Variants in C11orf24 observed in about 807,000 individuals in gnomAD.
C11orf24 encodes the protein chromosome 11 open reading frame 24.
Under a neutral mutation model 7.3 loss-of-function variants are expected in C11orf24, and 5 were observed. The ratio of observed to expected loss-of-function variants is 0.69; its 90% CI spans 0.36 to 1.45. The LOEUF (loss-of-function observed/expected upper bound fraction) is 1.45, where lower values mean the gene tolerates loss of function less well. C11orf24 is among the 40% of genes most tolerant of loss of function. The pLI is 0.03. For synonymous variants in C11orf24, 233 were observed against 235.7 expected (o/e 0.99, Z 0.11); for missense variants, 566 against 590.5 (o/e 0.96, Z 0.43).
intron 1 of C11orf24, among the ~76,000 whole-genome samples, chr11:68,270,586 T>TA (rs10631184): frequency 0.39 from 55,825 of 142,782 alleles, 10,877 homozygotes; most frequent in Non-Finnish European, 0.44. Context: ...CCCCATCTCT[T>TA]AAAAAAAAAA....
rs746818661 is a variant in C11orf24 at position 68,262,624 on chromosome 11, G to A, written c.371C>T (p.Ser124Phe). 6.2e-7 allele frequency: 1 copy of A among 1,612,762 alleles called. No individual in the cohort carries two copies. Among genetic ancestry groups the A allele is most frequent in the East Asian group, 2.2e-5 (1 of 44,874 alleles). Residue 124 changes from serine (S) to phenylalanine (F), a missense_variant, in exon 4 of 4, where the codon TCC becomes TTC. Transcript: ENST00000304271. ...AGCACTGGAGGCCACAGTCATACTG[G>A]AGGCCGCAGTCGTAATGGAGGCCGC... ...TTAASITTAA[S>F]SMTVASSAPT...
chr11:68,263,909 C>G, intron 2 of C11orf24, 43 bp from the exon 3 acceptor site: 1 of 663,822 alleles, frequency 1.5e-6, no homozygotes, highest in Admixed American at 2.7e-5. Flanking sequence ...GTCTGGCCAG[C>G]AACACACAGC....
intron 2 of C11orf24, among the ~76,000 whole-genome samples, chr11:68,266,683 C>G (rs368065035): frequency 3.9e-5 from 6 of 152,082 alleles, no homozygotes; most frequent in African/African-American, 1.4e-4. Context: ...TGGAAGGTTT[C>G]GGGCACAAAG....
intron 2 of C11orf24, among the ~76,000 whole-genome samples, chr11:68,266,402 A>G (rs142911880): frequency 5.3e-5 from 8 of 152,308 alleles, no homozygotes; most frequent in African/African-American, 1.9e-4. Context: ...AAGCCCTTAG[A>G]GCACACACTC....
Position 68,261,810 on chromosome 11 carries a change from G to T in C11orf24, c.1185C>A (p.Ala395=). Residue 395 remains alanine, a synonymous_variant, in exon 4 of 4, where the codon GCC becomes GCA. Transcript: ENST00000304271. The part of the protein sequence containing the change: ...MVVTTEPLTQ[A]VVDKTLLLVV... ...CCAGAAGGAGAGTTTTGTCTACCACGGCCTGGGTGAGGGGCTCAGTGGTGA... is the reference window on the plus strand; with the variant it reads ...CCAGAAGGAGAGTTTTGTCTACCACTGCCTGGGTGAGGGGCTCAGTGGTGA... The T allele has an allele frequency of 6.2e-7, 1 of 1,614,202 alleles. No individual in the cohort carries two copies. Among genetic ancestry groups the T allele is most frequent in the Non-Finnish European group, 8.5e-7 (1 of 1,180,050 alleles).
At chr11:68,269,801 C>T (rs1032074336) in intron 1 of C11orf24, among the ~76,000 whole-genome samples, 1 of 152,216 alleles carries the variant, frequency 6.6e-6, no homozygotes, top group Non-Finnish European at 1.5e-5. Flanking sequence ...TGGTCACTCC[C>T]ACAGAAACAG....
In C11orf24 at chr11:68,262,169, T is replaced by C. The variant is rs746099192; in HGVS notation, c.826A>G (p.Met276Val). The stretch of plus-strand genomic sequence containing the variant: ...GGCTCTGGGGTTGTGTTTGAGGGCA[T>C]GGGTGTGGATTTATTTGTTGTGTTA... ...VVNTTNKSTP[M>V]PSNTTPEPAP... The change falls in exon 4 of 4, where the codon ATG becomes GTG. Residue 276 changes from methionine to valine, a missense_variant. Physicochemically the swap from Met to Val is conservative, Grantham distance 21. Transcript: ENST00000304271. 1.2e-6 allele frequency: 2 copies of C among 1,613,726 alleles called. No individual in the cohort carries two copies. Among genetic ancestry groups the C allele is most frequent in the African/African-American group, 1.3e-5 (1 of 74,874 alleles).
Position 68,271,931 on chromosome 11 carries a change from G to C in C11orf24, c.-372C>G, listed in dbSNP as rs923488277. On this transcript the variant is annotated 5_prime_UTR_variant, in exon 1 of 4. Transcript: ENST00000304271. ...GGAGCCTGAGGCCCGGCGCGGGGACGTGGCCGGCAGCGCAACCCAGGCAGC... is the reference window on the plus strand; with the variant it reads ...GGAGCCTGAGGCCCGGCGCGGGGACCTGGCCGGCAGCGCAACCCAGGCAGC... The C allele has an allele frequency of 6.6e-6, 1 of 152,196 alleles. No individual in the cohort carries two copies. The highest frequency in any genetic ancestry group is 6.5e-5 in the Admixed American group (1 of 15,284). The allele number at this position is 152,196 out of a possible 1,614,324, so 9.4% of individuals were successfully genotyped here.
At position 68,268,687 on chromosome 11, in the gene C11orf24, C is replaced by T. The variant is rs1344265303; in HGVS notation, c.-297-436G>A. 2.6e-5 allele frequency among the ~76,000 whole-genome samples: 4 copies of T among 152,170 alleles called. No individual in the cohort carries two copies. The East Asian group carries it at 5.8e-4, about 22-fold the overall frequency. On this transcript the variant is annotated intron_variant, in intron 1 of 3. Coordinates refer to ENST00000304271, the MANE Select transcript of C11orf24 (RefSeq NM_022338.4). Reference sequence around the variant, plus strand: ...AGCCTGGGCAATAAGAGCAAAACTGCGTCTCAAAAAAACAAAACAAAAAAC... The same window carrying T: ...AGCCTGGGCAATAAGAGCAAAACTGTGTCTCAAAAAAACAAAACAAAAAAC...
Position 68,262,780 on chromosome 11 carries a change from G to T in C11orf24, c.215C>A (p.Ala72Asp). ...TGTGACTTCCATAGAGTTGAGGTGGGCTGCCGAAGTCCCTTTGGTCAATGT... is the reference window on the plus strand; with the variant it reads ...TGTGACTTCCATAGAGTTGAGGTGGTCTGCCGAAGTCCCTTTGGTCAATGT... ...PVTLTKGTSA[A>D]HLNSMEVTTE... Residue 72 changes from alanine to aspartate, a missense_variant, in exon 4 of 4, where the codon GCC (alanine) becomes GAC (aspartate). By Grantham distance (126) the Ala-to-Asp change is moderately radical. Transcript: ENST00000304271. 1 of 1,614,082 alleles carries T rather than the reference G, an allele frequency of 6.2e-7. No homozygotes were observed. The highest frequency in any genetic ancestry group is 1.3e-5 in the African/African-American group (1 of 75,050).
At chr11:68,263,393 G>C in intron 3 of C11orf24, 1 of 482,258 alleles carries the variant, frequency 2.1e-6, no homozygotes, top group Non-Finnish European at 3.7e-6. Flanking sequence ...CGCAGTTAAA[G>C]ATCTGATGTA....
intron 2 of C11orf24, among the ~76,000 whole-genome samples, chr11:68,266,130 C>T (rs940450584): frequency 1.3e-5 from 2 of 152,204 alleles, no homozygotes; most frequent in Non-Finnish European, 2.9e-5. Flanking sequence ...TGCCTGCGTT[C>T]CAACTCCAGC....
rs771018647 is a variant in C11orf24, at chr11:68,262,081, G to C, written c.914C>G (p.Pro305Arg). Residue 305 changes from proline to arginine, a missense_variant, in exon 4 of 4, where the codon CCA (proline) becomes CGA (arginine). Transcript: ENST00000304271. ...KAQAREPTASPVPVPHTSPIP... is the reference protein window; with the variant it reads ...KAQAREPTASRVPVPHTSPIP... Reference sequence around the variant, plus strand: ...TGGGCTGGTGTGAGGTACTGGCACTGGGCTGGCAGTTGGCTCCCTGGCTTG... The same window carrying C: ...TGGGCTGGTGTGAGGTACTGGCACTCGGCTGGCAGTTGGCTCCCTGGCTTG... 1 of 1,614,010 alleles carries C rather than the reference G, an allele frequency of 6.2e-7. No homozygotes were observed. The highest frequency in any genetic ancestry group is 8.5e-7 in the Non-Finnish European group (1 of 1,179,996).
chr11:68,269,044 T>A (rs186700374), intron 1 of C11orf24, among the ~76,000 whole-genome samples: 1 of 152,280 alleles, frequency 6.6e-6, no homozygotes, highest in African/African-American at 2.4e-5. Flanking sequence ...TGCACTAGAA[T>A]GTTAATGAAT....
In C11orf24 at chr11:68,261,782, C is replaced by T. The variant is rs756420970; in HGVS notation, c.1213G>A (p.Val405Met). The change falls in exon 4 of 4, where the codon GTG becomes ATG. Residue 405 changes from valine (V) to methionine (M), a missense_variant. Val to Met is a conservative substitution (Grantham distance 21). Coordinates refer to ENST00000304271, the MANE Select transcript of C11orf24 (RefSeq NM_022338.4). ...AVVDKTLLLV[V>M]LLLGVTLFIT... is the part of the protein sequence containing the mutation. The stretch of plus-strand genomic sequence containing the variant: ...AAAAGGGTCACCCCGAGTAACAGCA[C>T]CACCAGAAGGAGAGTTTTGTCTACC... The T allele has an allele frequency of 1.9e-6, 3 of 1,614,208 alleles. No individual in the cohort carries two copies. The highest frequency in any genetic ancestry group is 2.5e-6 in the Non-Finnish European group (3 of 1,180,052).
chr11:68,261,614 GGCCAGGCCTCCC>G lies in C11orf24; in HGVS notation c.*19_*30del, dbSNP rs1304516597. On this transcript the variant is annotated 3_prime_UTR_variant, in exon 4 of 4. Coordinates refer to ENST00000304271, the MANE Select transcript of C11orf24 (RefSeq NM_022338.4). The stretch of plus-strand genomic sequence containing the variant: ...AGGCAAAAGGAAAGGACGAGGAAGG[GGCCAGGCCTCCC>G]GCCAGGCCCCCGCCCCCCTCACATT... 35 of 1,573,074 alleles carry G rather than the reference GGCCAGGCCTCCC, an allele frequency of 2.2e-5. No individual in the cohort carries two copies. Among genetic ancestry groups the G allele is most frequent in the African/African-American group, 4.1e-5 (3 of 73,686 alleles).
rs771729538 is a variant in C11orf24 at position 68,262,540 on chromosome 11, G to C, written c.455C>G (p.Ser152Cys). The C allele has an allele frequency of 1.9e-6, 3 of 1,611,086 alleles. No homozygotes were observed. Among genetic ancestry groups the C allele is most frequent in the Non-Finnish European group, 2.5e-6 (3 of 1,177,858 alleles). The stretch of plus-strand genomic sequence containing the variant: ...AGTGCTGGAGGCCGCAGTCATACTG[G>C]AGGCTGCAGTCGTGGGAGCAATGGA... ...VASIAPTTAA[S>C]SMTAASSTPM... Residue 152 changes from serine to cysteine, a missense_variant, in exon 4 of 4, where the codon TCC (serine) becomes TGC (cysteine). Coordinates refer to ENST00000304271, the MANE Select transcript of C11orf24 (RefSeq NM_022338.4).
At position 68,262,607 on chromosome 11, in the gene C11orf24, A is replaced by G; in HGVS notation, c.388T>C (p.Ser130Pro). The change falls in exon 4 of 4, where the codon TCC (serine) becomes CCC (proline). Residue 130 changes from serine (S) to proline (P), a missense_variant. Ser to Pro is a moderately conservative substitution (Grantham distance 74). Transcript: ENST00000304271. ...GAGGCTGCAGTCGTGGGAGCACTGG[A>G]GGCCACAGTCATACTGGAGGCCGCA... is the stretch of plus-strand genomic sequence containing the variant. ...TTAASSMTVA[S>P]SAPTTAASST... The G allele has an allele frequency of 1.9e-6, 3 of 1,613,418 alleles. No individual in the cohort carries two copies. Among genetic ancestry groups the G allele is most frequent in the Non-Finnish European group, 2.5e-6 (3 of 1,179,620 alleles).
chr11:68,262,324 CTTGT>C lies in C11orf24; in HGVS notation c.667_670del (p.Thr223AlafsTer4). On this transcript the variant is annotated frameshift_variant, in exon 4 of 4. Transcript: ENST00000304271. LOFTEE classifies it low-confidence loss of function (END_TRUNC). ...ACTTGGACGAGTGCTCATGGGGCTG[CTTGT>C]GTTTGCTGTGGTCGCTACAGTCTGA... 2 of 1,613,932 alleles carry C rather than the reference CTTGT, an allele frequency of 1.2e-6. No homozygotes were observed. Among genetic ancestry groups the C allele is most frequent in the Non-Finnish European group, 1.7e-6 (2 of 1,179,840 alleles).
Sources: allele counts gnomAD v4.1 joint callset (sites outside exome capture counted in the v4.1 genomes callset), GRCh38; gene constraint gnomAD v4.1.1; transcripts MANE v1.5; gene names NCBI Gene and HGNC (gene_info 2026-07-23, HGNC 2026-07-21).